PHACTR2: variants seen among roughly 807,000 people sequenced by gnomAD.
The protein encoded by PHACTR2 is chromosome 6 open reading frame 56.
A neutral mutation model predicts 76.0 loss-of-function variants in PHACTR2; 30 were observed. The ratio of observed to expected loss-of-function variants is 0.39; its 90% CI spans 0.30 to 0.54. The LOEUF (loss-of-function observed/expected upper bound fraction) is 0.54, where lower values mean the gene tolerates loss of function less well. Among genes scored for constraint, PHACTR2 ranks in the 20% least tolerant of loss-of-function variants. PHACTR2 has a pLI of 0.61. For missense variants in PHACTR2, 696 were observed against 781.1 expected, an observed-to-expected ratio of 0.89 and a Z score of 1.30; for synonymous variants, 292 against 292.5, an observed-to-expected ratio of 1.00 and a Z score of 0.02.
chr6:143,620,882 C>T (rs1474085236), intron 1 of PHACTR2, among the ~76,000 whole-genome samples: 1 of 152,216 alleles, frequency 6.6e-6, no homozygotes, highest in Non-Finnish European at 1.5e-5. Flanking sequence ...GCTTTGGTCA[C>T]AGTTTTGGTC....
rs1314028103 is a variant in PHACTR2, at chr6:143,548,310, A to G, written c.217+11103A>G. ...CCCAAAGACTCCACCTCATAATACC[A>G]TCATGTTAGGGGATAGGGTTCTAAT... is the stretch of plus-strand genomic sequence containing the variant. On this transcript the variant is annotated intron_variant, in intron 1 of 11. Transcript: ENST00000367584. The surrounding 1 kb of genome is among the most constrained non-coding windows in gnomAD (Gnocchi z 4.5). 1.3e-5 allele frequency among the ~76,000 whole-genome samples: 2 copies of G among 149,868 alleles called. No homozygotes were observed. The highest frequency in any genetic ancestry group is 3.9e-4 in the East Asian group (2 of 5,192).
intron 1 of PHACTR2, among the ~76,000 whole-genome samples, chr6:143,612,846 A>T (rs1308818566): frequency 1.3e-5 from 2 of 152,246 alleles, no homozygotes; most frequent in Non-Finnish European, 2.9e-5. Context: ...ATTATTATTT[A>T]ACATTTTATT....
rs1342224547 is a variant in PHACTR2 at position 143,611,631 on chromosome 6, A to C, written c.13+3309A>C. ...TAACTCCTGTAAAGCTTTTGGTACA[A>C]TGGCTGGCATATGGCAGCATACAAT... On this transcript the variant is annotated intron_variant, in intron 1 of 11. Transcript: ENST00000305766. This position sits in a 1 kb window ranked among gnomAD's most constrained non-coding sequence, Gnocchi z 4.4. Among the ~76,000 whole-genome samples the C allele has an allele frequency of 6.6e-6, 1 of 152,250 alleles. No homozygotes were observed. The highest frequency in any genetic ancestry group is 1.5e-5 in the Non-Finnish European group (1 of 68,046).
At position 143,823,785 on chromosome 6, in the gene PHACTR2, T is replaced by A. The variant is rs11969315; in HGVS notation, c.*96T>A. On this transcript the variant is annotated 3_prime_UTR_variant, in exon 13 of 13. Coordinates refer to ENST00000440869, the MANE Select transcript of PHACTR2 (RefSeq NM_001100164.2). This position sits in a 1 kb window ranked among gnomAD's most constrained non-coding sequence, Gnocchi z 5.7. Reference sequence around the variant, plus strand: ...TATTGCACTGGGATTTGAATGTGTGTGTTTCCGTTTAACTTGTGGTGAAGG... The same window carrying A: ...TATTGCACTGGGATTTGAATGTGTGAGTTTCCGTTTAACTTGTGGTGAAGG... 1.5e-3 allele frequency: 1,568 copies of A among 1,022,638 alleles called. 13 individuals carry two copies. In the African/African-American group the frequency reaches 0.017, roughly 11 times the overall value. 63.3% of individuals were successfully genotyped at this position (1,022,638 alleles called of 1,614,324 possible).
chr6:143,774,440 C>CT lies in PHACTR2; in HGVS notation c.1589+233dup, dbSNP rs34040003. Among the ~76,000 whole-genome samples, 1 of 152,078 alleles carries CT rather than the reference C, an allele frequency of 6.6e-6. No homozygotes were observed. Among genetic ancestry groups the CT allele is most frequent in the African/African-American group, 2.4e-5 (1 of 41,410 alleles). ...CAAAGCCTATTCCAGGAGTCAAAAA[C>CT]TTTTTTTTAAAGACCAGTTGGCAAA... On this transcript the variant is annotated intron_variant, in intron 8 of 12. Coordinates refer to ENST00000440869, the MANE Select transcript of PHACTR2 (RefSeq NM_001100164.2). This position sits in a 1 kb window ranked among gnomAD's most constrained non-coding sequence, Gnocchi z 5.4.
chr6:143,607,803 C>T (rs3811095), upstream of PHACTR2, among the ~76,000 whole-genome samples: 14,371 of 152,228 alleles, frequency 0.094, 676 homozygotes, highest in East Asian at 0.13. Context: ...AAAAGTTGCC[C>T]AGTCATTCAG....
At position 143,608,414 on chromosome 6, in the gene PHACTR2, C is replaced by G; in HGVS notation, c.13+92C>G. 1.5e-6 allele frequency: 2 copies of G among 1,305,410 alleles called. No homozygotes were observed. Among genetic ancestry groups the G allele is most frequent in the Non-Finnish European group, 2.2e-6 (2 of 905,274 alleles). The allele number at this position is 1,305,410 out of a possible 1,614,324, so 80.9% of individuals were successfully genotyped here. A position where few individuals can be genotyped will look rare whatever the true frequency, so the allele number is the denominator to read the frequency against. ...GGAAGGTTTGCCTATTTGTTGCTCT[C>G]GTTTTGCACTTAAATGTTCAAGACT... On this transcript the variant is annotated intron_variant, in intron 1 of 11. Transcript: ENST00000305766. This position sits in a 1 kb window ranked among gnomAD's most constrained non-coding sequence, Gnocchi z 4.6.
In PHACTR2 at chr6:143,787,065, T is replaced by C. The variant is rs950549006; in HGVS notation, c.1708-1708T>C. Among the ~76,000 whole-genome samples, 6 of 152,032 alleles carry C rather than the reference T, an allele frequency of 3.9e-5. No homozygotes were observed. Among genetic ancestry groups the C allele is most frequent in the Non-Finnish European group, 5.9e-5 (4 of 67,984 alleles). ...CCTCCTTATTGCCCTGGGCACAGTC[T>C]TGTGATACAAATCATCTTTCTCAAT... On this transcript the variant is annotated intron_variant, in intron 10 of 12. Transcript: ENST00000440869. This position sits in a 1 kb window ranked among gnomAD's most constrained non-coding sequence, Gnocchi z 4.6.
At chr6:143,638,639 T>C (rs546172562) in intron 1 of PHACTR2, among the ~76,000 whole-genome samples, 1 of 151,902 alleles carries the variant, frequency 6.6e-6, no homozygotes, top group African/African-American at 2.4e-5. Context: ...TCATTTTATA[T>C]TAAGCATTAA....
At position 143,583,330 on chromosome 6, in the gene PHACTR2, A is replaced by T. The variant is rs540359526; in HGVS notation, c.217+46123A>T. ...GGTTACAGAAACACATGCTAGCAGC[A>T]GTCCTCAGATTGTTGCCCAGAACCG... On this transcript the variant is annotated intron_variant, in intron 1 of 11. Transcript: ENST00000367584. The surrounding 1 kb of genome is among the most constrained non-coding windows in gnomAD (Gnocchi z 4.0). 1.3e-5 allele frequency among the ~76,000 whole-genome samples: 2 copies of T among 152,392 alleles called. No homozygotes were observed. Among genetic ancestry groups the T allele is most frequent in the South Asian group, 4.1e-4 (2 of 4,832 alleles).
At position 143,794,733 on chromosome 6, in the gene PHACTR2, G is replaced by T. The variant is rs1387262762; in HGVS notation, c.1845+5823G>T. On this transcript the variant is annotated intron_variant, in intron 11 of 12. Coordinates refer to ENST00000440869, the MANE Select transcript of PHACTR2 (RefSeq NM_001100164.2). The surrounding 1 kb of genome is among the most constrained non-coding windows in gnomAD (Gnocchi z 4.1). Reference sequence around the variant, plus strand: ...CACTTGAACCCAGGAGACAGAAGTTGCAGTGAGCTAAGATTATGCCGCCGC... The same window carrying T: ...CACTTGAACCCAGGAGACAGAAGTTTCAGTGAGCTAAGATTATGCCGCCGC... Among the ~76,000 whole-genome samples, 2 of 152,172 alleles carry T rather than the reference G, an allele frequency of 1.3e-5. No homozygotes were observed. The highest frequency in any genetic ancestry group is 2.9e-5 in the Non-Finnish European group (2 of 68,026).
At chr6:143,552,134 C>T (rs746993548) in intron 1 of PHACTR2, among the ~76,000 whole-genome samples, 2 of 151,942 alleles carry the variant, frequency 1.3e-5, no homozygotes, top group African/African-American at 4.8e-5. Context: ...TGTTGGAAAG[C>T]GACTGATTAT....
upstream of PHACTR2, among the ~76,000 whole-genome samples, chr6:143,673,921 G>C (rs1777198672): frequency 2.6e-5 from 4 of 152,102 alleles, no homozygotes; most frequent in African/African-American, 9.6e-5. Context: ...GAAAATATGA[G>C]AACAATAGGA....
At chr6:143,609,672 C>CT (rs1775946916) in intron 1 of PHACTR2, among the ~76,000 whole-genome samples, 1 of 152,198 alleles carries the variant, frequency 6.6e-6, no homozygotes, top group African/African-American at 2.4e-5. Context: ...CTTAGAATCT[C>CT]TAATTTAGCC....
At chr6:143,631,612 G>C (rs1369311090) in intron 1 of PHACTR2, among the ~76,000 whole-genome samples, 1 of 152,090 alleles carries the variant, frequency 6.6e-6, no homozygotes, top group Non-Finnish European at 1.5e-5. Context: ...CACACTAATA[G>C]GGAAAAGACA....
At chr6:143,796,379 T>TTTTCTTTCTTTC (rs147314577) in intron 11 of PHACTR2, among the ~76,000 whole-genome samples, 24 of 148,832 alleles carry the variant, frequency 1.6e-4, no homozygotes, top group East Asian at 6.2e-4. Context: ...TTTCTTTTTC[T>TTTTCTTTCTTTC]TTTCTTTCTT....
At position 143,789,590 on chromosome 6, in the gene PHACTR2, GCCAA is replaced by G. The variant is rs1315934238; in HGVS notation, c.1845+683_1845+686del. Among the ~76,000 whole-genome samples the G allele has an allele frequency of 1.3e-5, 2 of 152,146 alleles. No homozygotes were observed. The highest frequency in any genetic ancestry group is 2.1e-4 in the South Asian group (1 of 4,828). ...CATTGTTCCATAGGCAAAGATTCGTGCCAACCGTTTGTTTTTAAATTGTTCTAAT... is the reference window on the plus strand; with the variant it reads ...CATTGTTCCATAGGCAAAGATTCGTGCCGTTTGTTTTTAAATTGTTCTAAT... On this transcript the variant is annotated intron_variant, in intron 11 of 12. Coordinates refer to ENST00000440869, the MANE Select transcript of PHACTR2 (RefSeq NM_001100164.2). The surrounding 1 kb of genome is among the most constrained non-coding windows in gnomAD (Gnocchi z 5.1).
intron 1 of PHACTR2, among the ~76,000 whole-genome samples, chr6:143,632,600 T>C (rs1582719257): frequency 6.6e-6 from 1 of 152,298 alleles, no homozygotes; most frequent in Non-Finnish European, 1.5e-5. Flanking sequence ...GACTCATCAT[T>C]ATCACCTAAA....
chr6:143,736,173 G>A (rs1447589069), intron 2 of PHACTR2, among the ~76,000 whole-genome samples: 1 of 152,032 alleles, frequency 6.6e-6, no homozygotes, highest in Non-Finnish European at 1.5e-5. Context: ...ATTTTTTGTC[G>A]AAATGGAGTC....
Sources: gnomAD v4.1 joint callset for allele counts (sites outside exome capture counted in the v4.1 genomes callset) on GRCh38, gnomAD v4.1.1 for gene constraint, Gnocchi (gnomAD v3.1) non-coding constraint, MANE v1.5 for transcripts, NCBI Gene and HGNC (gene_info 2026-07-23, HGNC 2026-07-21) for gene names.